B3GALT1: variants seen among roughly 807,000 people sequenced by gnomAD.
B3GALT1 encodes beta-1,3-galactosyltransferase 1, also known as UDP-Gal:betaGlcNAc beta 1,3-galactosyltransferase, polypeptide 1.
B3GALT1 carries 10 observed loss-of-function variants against 23.2 expected under a neutral mutation model. That is an observed-to-expected ratio of 0.43 (90% CI 0.27 to 0.73). B3GALT1 has a LOEUF of 0.73. Among genes scored for constraint, B3GALT1 ranks in the 30% least tolerant of loss-of-function variants. The pLI is 0.21. For missense variants in B3GALT1, 299 were observed against 405.4 expected, an observed-to-expected ratio of 0.74 and a Z score of 2.25; for synonymous variants, 156 against 141.5, an observed-to-expected ratio of 1.10 and a Z score of -0.73.
intron 3 of B3GALT1, among the ~76,000 whole-genome samples, chr2:167,739,562 G>A (rs949458626): frequency 6.6e-6 from 1 of 152,110 alleles, no homozygotes; most frequent in Admixed American, 6.5e-5. Context: ...TGGGTATTTA[G>A]CATTAGCATT....
intron 2 of B3GALT1, among the ~76,000 whole-genome samples, chr2:167,526,798 G>A (rs961451762): frequency 2.0e-5 from 3 of 151,948 alleles, no homozygotes; most frequent in Non-Finnish European, 2.9e-5. Flanking sequence ...TCAATTCATG[G>A]CCTTTGTCAG....
At chr2:167,497,139 C>T (rs1027805161) in intron 2 of B3GALT1, among the ~76,000 whole-genome samples, 3 of 151,756 alleles carry the variant, frequency 2.0e-5, no homozygotes, top group African/African-American at 7.3e-5. Flanking sequence ...AAATGGTAAA[C>T]AAAAAGAGCA....
chr2:167,839,795 T>C (rs1689592265), intron 4 of B3GALT1, among the ~76,000 whole-genome samples: 1 of 152,092 alleles, frequency 6.6e-6, no homozygotes, highest in African/African-American at 2.4e-5. Flanking sequence ...AAGGCTACAG[T>C]AACCAAAACA....
intron 1 of B3GALT1, among the ~76,000 whole-genome samples, chr2:167,325,603 G>A (rs1696879662): frequency 1.3e-5 from 2 of 151,708 alleles, no homozygotes; most frequent in Admixed American, 6.6e-5. Context: ...TTCCACATGA[G>A]ATTTGGGTGA....
intron 3 of B3GALT1, chr2:167,714,617 T>A (rs1687115457): frequency 6.2e-7 from 1 of 1,613,706 alleles, no homozygotes; most frequent in Non-Finnish European, 8.5e-7. Flanking sequence ...TTGTTTGTTG[T>A]GAGCATTTTC....
intron 2 of B3GALT1, among the ~76,000 whole-genome samples, chr2:167,565,985 G>GC (rs1684156068): frequency 6.6e-6 from 1 of 151,988 alleles, no homozygotes; most frequent in African/African-American, 2.4e-5. Context: ...ATTTGACCCA[G>GC]CCATCCCATG....
At chr2:167,416,096 T>G (rs1237045100) in intron 1 of B3GALT1, among the ~76,000 whole-genome samples, 1 of 152,114 alleles carries the variant, frequency 6.6e-6, no homozygotes, top group Non-Finnish European at 1.5e-5. Flanking sequence ...TGAGCAACTT[T>G]TGCTAAGATT....
chr2:167,771,606 G>A (rs1574254298), intron 3 of B3GALT1, among the ~76,000 whole-genome samples: 2 of 152,070 alleles, frequency 1.3e-5, no homozygotes, highest in South Asian at 4.1e-4. Flanking sequence ...AAACAATCAA[G>A]TATCTCTGGT....
intron 2 of B3GALT1, among the ~76,000 whole-genome samples, chr2:167,595,996 A>G (rs1218054871): frequency 6.6e-6 from 1 of 152,202 alleles, no homozygotes; most frequent in Non-Finnish European, 1.5e-5. Context: ...CCTTCCTAGA[A>G]GAGAGAATTG....
rs147206081 is a variant in B3GALT1 at position 167,368,624 on chromosome 2, G to T, written c.-511+75290G>T. Among the ~76,000 whole-genome samples the T allele has an allele frequency of 2.2e-4, 34 of 152,256 alleles. No homozygotes were observed. The East Asian group carries it at 6.0e-3, about 27-fold the overall frequency. ...AGTTTTGCGTAGGTCTGGTACTTTCGTTGCATCTCTTTAAGCAGATTACAG... is the reference window on the plus strand; with the variant it reads ...AGTTTTGCGTAGGTCTGGTACTTTCTTTGCATCTCTTTAAGCAGATTACAG... On this transcript the variant is annotated intron_variant, in intron 1 of 4. Transcript: ENST00000392690.
intron 1 of B3GALT1, among the ~76,000 whole-genome samples, chr2:167,357,511 A>G (rs188273407): frequency 6.6e-6 from 1 of 152,270 alleles, no homozygotes; most frequent in East Asian, 1.9e-4. Flanking sequence ...ACATTTGGAT[A>G]TAGTTCATCA....
At chr2:167,843,780 G>C (rs1689699708) in intron 4 of B3GALT1, among the ~76,000 whole-genome samples, 1 of 152,136 alleles carries the variant, frequency 6.6e-6, no homozygotes, top group African/African-American at 2.4e-5. Flanking sequence ...AGTGGCCTGG[G>C]AATAAGTTGT....
At chr2:167,407,233 C>T (rs1223010592) in intron 1 of B3GALT1, among the ~76,000 whole-genome samples, 1 of 151,960 alleles carries the variant, frequency 6.6e-6, no homozygotes, top group Non-Finnish European at 1.5e-5. Context: ...CAACATACTC[C>T]TAAACAACCA....
intron 2 of B3GALT1, among the ~76,000 whole-genome samples, chr2:167,549,703 AAT>A (rs1683711742): frequency 6.6e-6 from 1 of 152,220 alleles, no homozygotes. Flanking sequence ...GTGAGTATTT[AAT>A]ATAGTCATAA....
At chr2:167,703,485 T>C (rs6726109) in intron 3 of B3GALT1, among the ~76,000 whole-genome samples, 35,608 of 131,846 alleles carry the variant, frequency 0.27, 5,003 homozygotes, top group Admixed American at 0.35. Flanking sequence ...TAACAGTTGG[T>C]ACTGAAGGAT....
intron 1 of B3GALT1, among the ~76,000 whole-genome samples, chr2:167,423,409 C>T (rs908527718): frequency 6.6e-6 from 1 of 152,246 alleles, no homozygotes. Flanking sequence ...TTTGAAAGGG[C>T]CTTGGTGAGA....
At chr2:167,837,785 C>T (rs1274991225) in intron 4 of B3GALT1, among the ~76,000 whole-genome samples, 1 of 149,932 alleles carries the variant, frequency 6.7e-6, no homozygotes, top group Non-Finnish European at 1.5e-5. Context: ...AAGTAAAGCT[C>T]TCCTCAGCAA....
rs77906373 is a variant in B3GALT1, at chr2:167,372,793, A to G, written c.-511+79459A>G. Among the ~76,000 whole-genome samples, 484 of 152,180 alleles carry G rather than the reference A, an allele frequency of 3.2e-3. 4 individuals carry two copies. The highest frequency in any genetic ancestry group is 0.011 in the African/African-American group (439 of 41,570). On this transcript the variant is annotated intron_variant, in intron 1 of 4. Transcript: ENST00000392690. ...ATTGTAAAAGGCCTATAAACTGAAA[A>G]CTAGAAAACGTTGCTGAATAGAATT...
intron 2 of B3GALT1, among the ~76,000 whole-genome samples, chr2:167,572,722 T>G (rs1322004083): frequency 6.6e-6 from 1 of 151,780 alleles, no homozygotes; most frequent in Non-Finnish European, 1.5e-5. Flanking sequence ...CTTGATGTGA[T>G]CATTTGGTAG....
Sources: gnomAD v4.1 joint callset for allele counts (sites outside exome capture counted in the v4.1 genomes callset) on GRCh38, gnomAD v4.1.1 for gene constraint, MANE v1.5 for transcripts, NCBI Gene and HGNC (gene_info 2026-07-23, HGNC 2026-07-21) for gene names.